SLC36A1: variants seen among roughly 807,000 people sequenced by gnomAD.
SLC36A1 encodes solute carrier family 36 member 1, also known as proton-coupled amino acid transporter 1.
A neutral mutation model predicts 47.5 loss-of-function variants in SLC36A1; 30 were observed. That is an observed-to-expected ratio of 0.63 (90% CI 0.47 to 0.86). The LOEUF is 0.86. Ranked by LOEUF, SLC36A1 falls within the 40% of genes least tolerant of loss-of-function variation. The pLI is 0.00. For missense variants in SLC36A1, 517 were observed against 606.0 expected, an observed-to-expected ratio of 0.85 and a Z score of 1.54; for synonymous variants, 255 against 249.7, an observed-to-expected ratio of 1.02 and a Z score of -0.20.
chr5:151,356,268 G>C, the SLC36A1 span, among the ~76,000 whole-genome samples: 3 of 145,530 alleles, frequency 2.1e-5, no homozygotes, highest in Non-Finnish European at 4.5e-5. Flanking sequence ...GAACCTGGGA[G>C]GTAGGGTTGC....
chr5:151,420,782 C>T, the SLC36A1 span, among the ~76,000 whole-genome samples: 11 of 152,148 alleles, frequency 7.2e-5, no homozygotes, highest in Non-Finnish European at 1.3e-4. Flanking sequence ...GTGATTAAGT[C>T]CAGACCTTTT....
the SLC36A1 span, chr5:151,540,809 A>G: frequency 6.5e-7 from 1 of 1,537,514 alleles, no homozygotes; most frequent in Non-Finnish European, 8.9e-7. Flanking sequence ...AATAGGAATG[A>G]ACTAGGCTTT....
intron 10 of SLC36A1, among the ~76,000 whole-genome samples, 156 bp from the exon 11 acceptor site, chr5:151,487,827 G>A (rs996960602): frequency 1.3e-5 from 2 of 152,196 alleles, no homozygotes; most frequent in Non-Finnish European, 2.9e-5. Context: ...ATGTTTCTGG[G>A]CATCTATTTC....
At chr5:151,521,309 G>A in the SLC36A1 span, 37 of 1,611,800 alleles carry the variant, frequency 2.3e-5, no homozygotes, top group African/African-American at 1.6e-4. Flanking sequence ...AGGTGGTGCC[G>A]CGGGGTTAGG....
chr5:151,421,160 A>G, the SLC36A1 span, among the ~76,000 whole-genome samples: 24,503 of 146,582 alleles, frequency 0.17, 2,247 homozygotes, highest in East Asian at 0.37. Context: ...GGCGTGAGCC[A>G]CCACGCCCTT....
chr5:151,361,456 TATAAG>T, the SLC36A1 span, among the ~76,000 whole-genome samples: 1 of 152,198 alleles, frequency 6.6e-6, no homozygotes, highest in African/African-American at 2.4e-5. Context: ...AGTGCCCAGA[TATAAG>T]ATATTTTAGA....
At chr5:151,440,577 T>TAA (rs3086252) in intron 1 of SLC36A1, among the ~76,000 whole-genome samples, 3 of 144,082 alleles carry the variant, frequency 2.1e-5, no homozygotes, top group African/African-American at 7.5e-5. Flanking sequence ...GTAGAGTGGT[T>TAA]AAAAAAAAAA....
chr5:151,488,068 C>T lies in SLC36A1; in HGVS notation c.1245C>T (p.Ile415=). ...GCAGCAGCGCCCTGGCCCTCATCAT[C>T]CCACCGCTCCTGGAGGTCACCACCT... is the stretch of plus-strand genomic sequence containing the variant. ...SVSSSALALI[I]PPLLEVTTFY... The change falls in exon 11 of 11, where the codon ATC becomes ATT. Residue 415 remains isoleucine, a synonymous_variant. Coordinates refer to ENST00000243389, the MANE Select transcript of SLC36A1 (RefSeq NM_078483.4). 1.2e-6 allele frequency: 2 copies of T among 1,614,152 alleles called. No individual in the cohort carries two copies. Among genetic ancestry groups the T allele is most frequent in the Non-Finnish European group, 1.7e-6 (2 of 1,180,020 alleles).
intron 7 of SLC36A1, among the ~76,000 whole-genome samples, chr5:151,472,614 C>G (rs1043246052): frequency 3.9e-5 from 6 of 152,136 alleles, no homozygotes; most frequent in African/African-American, 1.4e-4. Flanking sequence ...TTCCAGCACT[C>G]CTGTTGTGTG....
the SLC36A1 span, among the ~76,000 whole-genome samples, chr5:151,350,326 G>C: frequency 6.6e-6 from 1 of 152,226 alleles, no homozygotes; most frequent in Admixed American, 6.5e-5. Context: ...TGAGGAAACT[G>C]AGGCTCAGAG....
chr5:151,383,484 A>G, the SLC36A1 span, among the ~76,000 whole-genome samples: 2 of 151,794 alleles, frequency 1.3e-5, no homozygotes, highest in Admixed American at 1.3e-4. Context: ...CACTCCAAAC[A>G]CTACTGATTC....
the SLC36A1 span, among the ~76,000 whole-genome samples, chr5:151,355,781 T>C: frequency 6.6e-6 from 1 of 152,172 alleles, no homozygotes; most frequent in Non-Finnish European, 1.5e-5. Flanking sequence ...CAATTTATTT[T>C]TGAGAAAAGC....
At chr5:151,383,502 T>C in the SLC36A1 span, among the ~76,000 whole-genome samples, 4 of 149,978 alleles carry the variant, frequency 2.7e-5, no homozygotes, top group East Asian at 3.9e-4. Context: ...TTCAGCATTG[T>C]TATCATGTCT....
the SLC36A1 span, among the ~76,000 whole-genome samples, chr5:151,405,389 A>C: frequency 1.7e-5 from 2 of 117,650 alleles, no homozygotes; most frequent in Admixed American, 2.4e-4. Context: ...TTGCTCTGTC[A>C]CCCAGGCTGG....
chr5:151,512,101 C>T, the SLC36A1 span: 1 of 1,489,110 alleles, frequency 6.7e-7, no homozygotes, highest in African/African-American at 1.4e-5. The surrounding 1 kb of genome is among the most constrained non-coding windows in gnomAD (Gnocchi z 4.1). Flanking sequence ...CCCTGACATG[C>T]TTTTCCCACC....
In SLC36A1 at chr5:151,465,152, C is replaced by T; in HGVS notation, c.402C>T (p.Asn134=). 6.2e-7 allele frequency: 1 copy of T among 1,613,982 alleles called. No homozygotes were observed. The highest frequency in any genetic ancestry group is 8.5e-7 in the Non-Finnish European group (1 of 1,179,814). Residue 134 remains asparagine (N), a synonymous_variant, in exon 5 of 11, where the codon AAC becomes AAT. Coordinates refer to ENST00000243389, the MANE Select transcript of SLC36A1 (RefSeq NM_078483.4). ...CCAGCCCCTGCTCCTGGCTCCGGAA[C>T]CACGCACACTGGGGAAGGTAACTGA... The part of the protein sequence containing the change: ...LESSPCSWLR[N]HAHWGRRVVD...
At chr5:151,415,164 C>G in the SLC36A1 span, among the ~76,000 whole-genome samples, 4 of 152,074 alleles carry the variant, frequency 2.6e-5, no homozygotes, top group Non-Finnish European at 5.9e-5. Flanking sequence ...GTCCCTTCCC[C>G]CATGCAAAAA....
At chr5:151,411,280 G>C in the SLC36A1 span, among the ~76,000 whole-genome samples, 8 of 144,616 alleles carry the variant, frequency 5.5e-5, 1 homozygote, top group Non-Finnish European at 1.1e-4. Flanking sequence ...ATTTCTTCAA[G>C]GCTTTGTCAT....
chr5:151,512,759 C>T, the SLC36A1 span: 4 of 688,580 alleles, frequency 5.8e-6, no homozygotes, highest in East Asian at 1.1e-4. The surrounding 1 kb of genome is among the most constrained non-coding windows in gnomAD (Gnocchi z 4.1). Flanking sequence ...AGCATAAAAA[C>T]CCTCAAAGTG....
Sources: allele counts gnomAD v4.1 joint callset (sites outside exome capture counted in the v4.1 genomes callset), GRCh38; gene constraint gnomAD v4.1.1; non-coding constraint Gnocchi (gnomAD v3.1); transcripts MANE v1.5; gene names NCBI Gene and HGNC (gene_info 2026-07-23, HGNC 2026-07-21).